TENM2: variants seen among roughly 807,000 people sequenced by gnomAD.
TENM2 encodes the protein teneurin transmembrane protein 2.
A neutral mutation model predicts 245.2 loss-of-function variants in TENM2; 52 were observed. The observed-to-expected ratio is 0.21, with a 90% CI of 0.17 to 0.27. The LOEUF is 0.27. TENM2 is among the 10% of genes least tolerant of loss of function. The pLI is 1.00. For missense variants in TENM2, 3,046 were observed against 3,666.8 expected (o/e 0.83, Z 4.37); for synonymous variants, 1,363 against 1,438.9 (o/e 0.95, Z 1.19).
chr5:167,100,093 T>C, the TENM2 span, among the ~76,000 whole-genome samples: 1 of 152,226 alleles, frequency 6.6e-6, no homozygotes, highest in Non-Finnish European at 1.5e-5. Flanking sequence ...ATTTAAAACA[T>C]GTCCTTCACT....
intron 2 of TENM2, among the ~76,000 whole-genome samples, chr5:167,436,785 G>T (rs1329051046): frequency 6.6e-6 from 1 of 152,130 alleles, no homozygotes; most frequent in Non-Finnish European, 1.5e-5. Context: ...ATACAGCTCG[G>T]GCTCTTCCTT....
At chr5:168,195,662 G>T (rs1410009038) in intron 15 of TENM2, among the ~76,000 whole-genome samples, 1 of 146,966 alleles carries the variant, frequency 6.8e-6, no homozygotes. Flanking sequence ...TCTTAGAAAC[G>T]AACTCCTGTT....
At chr5:167,784,128 C>A (rs1185914217) in intron 2 of TENM2, among the ~76,000 whole-genome samples, 1 of 152,176 alleles carries the variant, frequency 6.6e-6, no homozygotes, top group Non-Finnish European at 1.5e-5. Context: ...ATCGTTGCAG[C>A]AACAGTTGTA....
At chr5:167,779,576 CT>C (rs1271019584) in intron 2 of TENM2, among the ~76,000 whole-genome samples, 1 of 152,158 alleles carries the variant, frequency 6.6e-6, no homozygotes, top group East Asian at 1.9e-4. Flanking sequence ...ATACACATGA[CT>C]TTATTAGGGT....
At chr5:167,004,129 T>C in the TENM2 span, among the ~76,000 whole-genome samples, 1 of 152,326 alleles carries the variant, frequency 6.6e-6, no homozygotes, top group South Asian at 2.1e-4. Flanking sequence ...TAATGGGTAA[T>C]TCACAGCCTT....
chr5:167,989,361 A>T (rs900785108), intron 4 of TENM2, among the ~76,000 whole-genome samples: 1 of 151,970 alleles, frequency 6.6e-6, no homozygotes, highest in Non-Finnish European at 1.5e-5. Context: ...TTCCCCAGGT[A>T]GGTGGTTGGA....
intron 7 of TENM2, among the ~76,000 whole-genome samples, chr5:168,077,063 GT>G (rs1294915661): frequency 6.6e-6 from 1 of 152,164 alleles, no homozygotes; most frequent in African/African-American, 2.4e-5. Flanking sequence ...CTGTGTCTCA[GT>G]TTCCTCATAT....
chr5:167,685,588 C>T (rs1213804308), intron 2 of TENM2, among the ~76,000 whole-genome samples: 4 of 152,142 alleles, frequency 2.6e-5, no homozygotes, highest in Admixed American at 6.5e-5. Flanking sequence ...AATGTTTACT[C>T]CTGTCTTGCA....
chr5:167,866,706 A>G (rs2151318036), intron 2 of TENM2, among the ~76,000 whole-genome samples: 1 of 152,234 alleles, frequency 6.6e-6, no homozygotes, highest in South Asian at 2.1e-4. Context: ...TGAGAGAAGG[A>G]ACATGACCTG....
intron 5 of TENM2, among the ~76,000 whole-genome samples, chr5:168,046,775 A>G (rs1329077215): frequency 1.3e-5 from 2 of 152,216 alleles, no homozygotes; most frequent in Non-Finnish European, 2.9e-5. Flanking sequence ...CCATTCCACC[A>G]TCAACCCCCC....
chr5:168,016,575 T>TTAAC (rs2152090936), intron 5 of TENM2, among the ~76,000 whole-genome samples: 1 of 152,340 alleles, frequency 6.6e-6, no homozygotes, highest in East Asian at 1.9e-4. Context: ...AACACCCATG[T>TTAAC]TAACGTAGGT....
chr5:167,656,320 T>C lies in TENM2; in HGVS notation c.503-219666T>C, dbSNP rs571320863. Among the ~76,000 whole-genome samples, 6 of 152,244 alleles carry C rather than the reference T, an allele frequency of 3.9e-5. No individual in the cohort carries two copies. The South Asian group carries it at 1.2e-3, about 32-fold the overall frequency. On this transcript the variant is annotated intron_variant, in intron 2 of 28. Coordinates refer to ENST00000518659, the Ensembl canonical transcript of TENM2. ...ATGTCTCCTGAGCACATGTGAATGT[T>C]ACATAAATACTCATTGAATCTTTAA...
the TENM2 span, among the ~76,000 whole-genome samples, chr5:167,016,261 A>C: frequency 0.39 from 45,169 of 116,476 alleles, 8,150 homozygotes; most frequent in Admixed American, 0.51. Context: ...CTCAAAAAAA[A>C]AAACAAACAA....
At chr5:167,824,955 C>T (rs1767837604) in intron 2 of TENM2, among the ~76,000 whole-genome samples, 1 of 152,214 alleles carries the variant, frequency 6.6e-6, no homozygotes, top group South Asian at 2.1e-4. Context: ...AAAGGGAACT[C>T]ACCCTACCAC....
At chr5:167,337,887 A>G (rs1435756783) in intron 1 of TENM2, among the ~76,000 whole-genome samples, 1 of 152,190 alleles carries the variant, frequency 6.6e-6, no homozygotes, top group African/African-American at 2.4e-5. Flanking sequence ...TAAATCAGTG[A>G]GATTAATTTT....
chr5:167,288,230 T>A (rs777803557), intron 1 of TENM2, among the ~76,000 whole-genome samples: 5 of 152,142 alleles, frequency 3.3e-5, no homozygotes, highest in Non-Finnish European at 7.4e-5. Flanking sequence ...TTTTTAGGTA[T>A]ATTAAACAAA....
chr5:167,617,289 C>T (rs1777854880), intron 2 of TENM2, among the ~76,000 whole-genome samples: 1 of 152,116 alleles, frequency 6.6e-6, no homozygotes, highest in African/African-American at 2.4e-5. Flanking sequence ...GGTGAAATTC[C>T]AGTAAAGTCT....
the TENM2 span, among the ~76,000 whole-genome samples, chr5:166,983,542 C>G: frequency 6.6e-6 from 1 of 152,030 alleles, no homozygotes; most frequent in Non-Finnish European, 1.5e-5. Context: ...GAAACTGAAA[C>G]CAAGTAACAC....
rs532678772 is a variant in TENM2 at position 167,889,778 on chromosome 5, C to T, written c.712+13583C>T. On this transcript the variant is annotated intron_variant, in intron 3 of 28. Coordinates refer to ENST00000518659, the Ensembl canonical transcript of TENM2. ...AGGCTGGGACACCACCTGTTTACGA[C>T]ATTAGGATGCTGGGTTTCTGATTTC... is the stretch of plus-strand genomic sequence containing the variant. 2.4e-4 allele frequency among the ~76,000 whole-genome samples: 36 copies of T among 152,234 alleles called. No homozygotes were observed. In the South Asian group the frequency reaches 2.5e-3, roughly 11 times the overall value.
Sources: gnomAD v4.1 joint callset for allele counts (sites outside exome capture counted in the v4.1 genomes callset) on GRCh38, gnomAD v4.1.1 for gene constraint, MANE v1.5 for transcripts, NCBI Gene and HGNC (gene_info 2026-07-23, HGNC 2026-07-21) for gene names.